CELF2: variants seen among roughly 807,000 people sequenced by gnomAD.
The protein encoded by CELF2 is CUGBP Elav-like family member 2.
Under a neutral mutation model 62.6 loss-of-function variants are expected in CELF2, and 8 were observed. That is an observed-to-expected ratio of 0.13 (90% CI 0.07 to 0.23). The LOEUF (loss-of-function observed/expected upper bound fraction) is 0.23, where lower values mean the gene tolerates loss of function less well. Among genes scored for constraint, CELF2 ranks in the 10% least tolerant of loss-of-function variants. The pLI, the probability that CELF2 is intolerant of heterozygous loss-of-function variation, is 1.00. For synonymous variants in CELF2, 258 were observed against 250.0 expected (o/e 1.03, Z -0.30); for missense variants, 333 against 671.0 (o/e 0.50, Z 5.56).
At chr10:11,120,137 A>G (rs946437624) in intron 1 of CELF2, among the ~76,000 whole-genome samples, 2 of 152,154 alleles carry the variant, frequency 1.3e-5, no homozygotes, top group Non-Finnish European at 2.9e-5. Flanking sequence ...GTGTGTGTCA[A>G]GCACCTTCGC....
At chr10:10,742,063 G>A in the CELF2 span, among the ~76,000 whole-genome samples, 1 of 152,028 alleles carries the variant, frequency 6.6e-6, no homozygotes, top group Non-Finnish European at 1.5e-5. Context: ...TTTTATTGCT[G>A]AAATTATTCC....
intron 1 of CELF2, among the ~76,000 whole-genome samples, chr10:11,076,889 A>T (rs2072144628): frequency 6.6e-6 from 1 of 152,208 alleles, no homozygotes; most frequent in Non-Finnish European, 1.5e-5. Flanking sequence ...TTGCAGATCT[A>T]ACTTGGTTAT....
rs530170066 is a variant in CELF2, at chr10:10,938,193, C to T, written c.89+18194C>T. Among the ~76,000 whole-genome samples the T allele has an allele frequency of 2.6e-5, 4 of 152,210 alleles. No individual in the cohort carries two copies. The highest frequency in any genetic ancestry group is 9.6e-5 in the African/African-American group (4 of 41,520). The stretch of plus-strand genomic sequence containing the variant: ...CAGCTGTTCTTTGTTTTCTAATGGG[C>T]ATGTGATGTTGATGAAAAATAGCAT... On this transcript the variant is annotated intron_variant, in intron 2 of 13. Coordinates refer to the CELF2 transcript ENST00000636488. This position sits in a 1 kb window ranked among gnomAD's most constrained non-coding sequence, Gnocchi z 4.2.
intron 2 of CELF2, among the ~76,000 whole-genome samples, chr10:10,999,796 A>T (rs2054340517): frequency 1.3e-5 from 2 of 152,202 alleles, no homozygotes; most frequent in African/African-American, 4.8e-5. Flanking sequence ...TTTACTTCTT[A>T]GGATTCCCTA....
the CELF2 span, among the ~76,000 whole-genome samples, chr10:10,655,703 C>A: frequency 7.8e-6 from 1 of 128,030 alleles, no homozygotes; most frequent in Non-Finnish European, 1.7e-5. Flanking sequence ...CTTCCTTACA[C>A]CTTATACAAA....
rs189342856 is a variant in CELF2, at chr10:11,111,308, A to G, written c.75-54178A>G. Among the ~76,000 whole-genome samples the G allele has an allele frequency of 3.9e-5, 6 of 152,364 alleles. No individual in the cohort carries two copies. In the East Asian group the frequency reaches 1.2e-3, roughly 29 times the overall value. On this transcript the variant is annotated intron_variant, in intron 1 of 12. Coordinates refer to ENST00000633077, the MANE Select transcript of CELF2 (RefSeq NM_001326342.2). ...GAACAACTTCCCTGTTCACTAGGTT[A>G]GGTCATCTAGTGATATTTAAAAGTA...
rs905172985 is a variant in CELF2 at position 11,053,701 on chromosome 10, G to T, written c.74+35538G>T. ...GTGATCTCCACTCACTGCAAGCTCC[G>T]CCTTCCGGGTTCACACCATTCTCCT... is the stretch of plus-strand genomic sequence containing the variant. On this transcript the variant is annotated intron_variant, in intron 1 of 12. Coordinates refer to ENST00000633077, the MANE Select transcript of CELF2 (RefSeq NM_001326342.2). Among the ~76,000 whole-genome samples the T allele has an allele frequency of 7.0e-5, 10 of 143,480 alleles. No individual in the cohort carries two copies. In the Admixed American group the frequency reaches 7.4e-4, roughly 11 times the overall value. 94.1% of individuals were successfully genotyped at this position (143,480 alleles called of 152,430 possible). A position where few individuals can be genotyped will look rare whatever the true frequency, so the allele number is the denominator to read the frequency against.
chr10:11,264,228 TA>T (rs1352413150), intron 5 of CELF2, among the ~76,000 whole-genome samples: 8 of 152,384 alleles, frequency 5.2e-5, no homozygotes, highest in Non-Finnish European at 8.8e-5. Context: ...GTTCTATTGG[TA>T]ATACTTCTCT....
chr10:10,532,428 T>C, the CELF2 span, among the ~76,000 whole-genome samples: 1 of 152,152 alleles, frequency 6.6e-6, no homozygotes, highest in Non-Finnish European at 1.5e-5. Context: ...AAACATGGAG[T>C]TCTCTCAACA....
At chr10:10,669,555 CGGATTCTAA>C in the CELF2 span, among the ~76,000 whole-genome samples, 1 of 152,086 alleles carries the variant, frequency 6.6e-6, no homozygotes, top group African/African-American at 2.4e-5. Context: ...TGTGCAGATT[CGGATTCTAA>C]TATGTAATTT....
chr10:10,675,275 G>A, the CELF2 span, among the ~76,000 whole-genome samples: 1 of 152,112 alleles, frequency 6.6e-6, no homozygotes, highest in Non-Finnish European at 1.5e-5. Flanking sequence ...TAGGTTGCTG[G>A]TTTCTTTCTC....
At chr10:10,891,748 T>G (rs963576724) in intron 1 of CELF2, among the ~76,000 whole-genome samples, 1 of 152,166 alleles carries the variant, frequency 6.6e-6, no homozygotes, top group Non-Finnish European at 1.5e-5. Flanking sequence ...GGCCTCAAGG[T>G]CAGATCACCT....
At chr10:10,872,525 C>T (rs1034259949) in intron 1 of CELF2, among the ~76,000 whole-genome samples, 1 of 152,246 alleles carries the variant, frequency 6.6e-6, no homozygotes, top group Non-Finnish European at 1.5e-5. Flanking sequence ...CAGCTGATCC[C>T]AAACATTTAT....
chr10:11,186,992 C>G (rs1486203317), intron 2 of CELF2, among the ~76,000 whole-genome samples: 2 of 152,094 alleles, frequency 1.3e-5, no homozygotes, highest in Non-Finnish European at 2.9e-5. Flanking sequence ...GTAAACAGTC[C>G]ATGTGCATCT....
chr10:11,087,093 C>G (rs11256970), intron 1 of CELF2, among the ~76,000 whole-genome samples: 4,601 of 152,198 alleles, frequency 0.03, 110 homozygotes, highest in East Asian at 0.081. Context: ...GACTGCTCCC[C>G]AAAATATAAA....
At chr10:10,774,999 C>A in the CELF2 span, among the ~76,000 whole-genome samples, 1 of 152,062 alleles carries the variant, frequency 6.6e-6, no homozygotes, top group African/African-American at 2.4e-5. Context: ...CTGCCTCAGC[C>A]TCCCGAGTAG....
intron 1 of CELF2, among the ~76,000 whole-genome samples, chr10:10,884,866 C>T (rs770251406): frequency 2.6e-5 from 4 of 152,234 alleles, no homozygotes; most frequent in Non-Finnish European, 4.4e-5. Flanking sequence ...CATGCATGCT[C>T]ATTGTGGCAT....
chr10:11,134,389 A>G (rs2060090306), intron 1 of CELF2, among the ~76,000 whole-genome samples: 1 of 152,178 alleles, frequency 6.6e-6, no homozygotes, highest in African/African-American at 2.4e-5. Context: ...GCCTCAGAAG[A>G]CTCATCCCCC....
intron 9 of CELF2, among the ~76,000 whole-genome samples, chr10:11,299,497 C>CAGTGACAT (rs770692526): frequency 6.6e-6 from 1 of 152,120 alleles, no homozygotes; most frequent in Non-Finnish European, 1.5e-5. Flanking sequence ...GACAGGCTGT[C>CAGTGACAT]AGTGACATGG....
Sources: gnomAD v4.1 joint callset for allele counts (sites outside exome capture counted in the v4.1 genomes callset) on GRCh38, gnomAD v4.1.1 for gene constraint, Gnocchi (gnomAD v3.1) non-coding constraint, MANE v1.5 for transcripts, NCBI Gene and HGNC (gene_info 2026-07-23, HGNC 2026-07-21) for gene names.